The following KIF9 variants were observed in gnomAD, a reference collection of about 807,000 sequenced individuals.
KIF9 encodes the protein kinesin-like protein KIF9.
KIF9 carries 68 observed loss-of-function variants against 94.8 expected under a neutral mutation model. The ratio of observed to expected loss-of-function variants is 0.72; its 90% CI spans 0.59 to 0.88. KIF9 has a LOEUF of 0.88. Among genes scored for constraint, KIF9 ranks in the 40% least tolerant of loss-of-function variants. The pLI is 0.00. For missense variants in KIF9, 882 were observed against 982.5 expected, an observed-to-expected ratio of 0.90 and a Z score of 1.37; for synonymous variants, 343 against 362.1, an observed-to-expected ratio of 0.95 and a Z score of 0.60.
chr3:47,248,183 GC>G, intron 10 of KIF9, 97 bp from the exon 11 acceptor site: 1 of 901,886 alleles, frequency 1.1e-6, no homozygotes, highest in Non-Finnish European at 1.8e-6. Context: ...CTCATTCTGT[GC>G]CCAGACATCC....
intron 9 of KIF9, among the ~76,000 whole-genome samples, chr3:47,259,196 C>G (rs1218587718): frequency 1.3e-5 from 2 of 152,172 alleles, no homozygotes; most frequent in Non-Finnish European, 2.9e-5. Flanking sequence ...GTTAATGAAG[C>G]CTGGACTCTG....
intron 1 of KIF9, among the ~76,000 whole-genome samples, chr3:47,280,001 G>A (rs1702230152): frequency 6.6e-6 from 1 of 152,002 alleles, no homozygotes; most frequent in South Asian, 2.1e-4. Context: ...CTCTCTCAGG[G>A]TGGAGTGCAC....
Position 47,275,411 on chromosome 3 carries a change from T to A in KIF9, c.173A>T (p.Asp58Val). Reference protein sequence around the residue: ...NQQTDWSFKLDGVLHDASQDL... With the variant: ...NQQTDWSFKLVGVLHDASQDL... ...CTGGGAGGCATCGTGAAGAACTCCATCCAACTTAAACGACCAGTCTGTCTG... is the reference window on the plus strand; with the variant it reads ...CTGGGAGGCATCGTGAAGAACTCCAACCAACTTAAACGACCAGTCTGTCTG... The change falls in exon 3 of 21, where the codon GAT becomes GTT. Residue 58 changes from aspartate to valine, a missense_variant. Transcript: ENST00000684063. The A allele has an allele frequency of 1.9e-6, 3 of 1,613,518 alleles. No individual in the cohort carries two copies. The highest frequency in any genetic ancestry group is 2.5e-6 in the Non-Finnish European group (3 of 1,179,520).
intron 18 of KIF9, 104 bp from the exon 19 acceptor site, chr3:47,236,253 C>A (rs1699018288): frequency 1.2e-5 from 12 of 1,043,310 alleles, no homozygotes; most frequent in Non-Finnish European, 1.6e-5. Context: ...ACTTCCTGCT[C>A]CAAGGTCTTA....
chr3:47,279,691 A>T (rs1249603821), intron 1 of KIF9, among the ~76,000 whole-genome samples: 1 of 150,258 alleles, frequency 6.7e-6, no homozygotes, highest in Admixed American at 6.7e-5. Flanking sequence ...ATCTCAGCTC[A>T]CTGCAAGCTC....
At chr3:47,232,791 G>A (rs1698697772) in intron 20 of KIF9, among the ~76,000 whole-genome samples, 1 of 150,524 alleles carries the variant, frequency 6.6e-6, no homozygotes, top group Non-Finnish European at 1.5e-5. Flanking sequence ...GACCATCCTA[G>A]CTAACACGGT....
intron 2 of KIF9, 107 bp downstream of exon 2, chr3:47,277,175 G>T: frequency 1.4e-6 from 1 of 733,082 alleles, no homozygotes; most frequent in Non-Finnish European, 2.3e-6. Context: ...ATTGGATCCT[G>T]TCCAATTCTG....
chr3:47,262,428 C>T (rs1701037885), intron 9 of KIF9, among the ~76,000 whole-genome samples: 1 of 152,030 alleles, frequency 6.6e-6, no homozygotes, highest in Admixed American at 6.6e-5. Flanking sequence ...CGCCACCACA[C>T]TCTGCTAATT....
intron 12 of KIF9, chr3:47,246,478 TA>T: frequency 3.1e-6 from 1 of 322,800 alleles, no homozygotes; most frequent in Non-Finnish European, 5.6e-6. Context: ...GCTGAGGCTA[TA>T]AAAACCACCT....
At chr3:47,263,522 G>C (rs766488691) in intron 9 of KIF9, 1 of 197,618 alleles carries the variant, frequency 5.1e-6, no homozygotes, top group South Asian at 8.0e-5. Context: ...TTCTTGCTGA[G>C]AGCCCCCACC....
At chr3:47,255,720 GCTCTCC>G (rs776357368) in intron 10 of KIF9, among the ~76,000 whole-genome samples, 99 of 149,846 alleles carry the variant, frequency 6.6e-4, no homozygotes, top group Non-Finnish European at 1.0e-3. Flanking sequence ...AATTTTCTTC[GCTCTCC>G]CTCTCCCTCT....
chr3:47,269,768 A>ATTTTTT (rs36108313), intron 5 of KIF9, among the ~76,000 whole-genome samples: 1 of 86,466 alleles, frequency 1.2e-5, no homozygotes, highest in Non-Finnish European at 2.0e-5. Flanking sequence ...CTCCCAGCTA[A>ATTTTTT]TTTTTTTTTT....
intron 1 of KIF9, 122 bp from the exon 2 acceptor site, chr3:47,277,501 T>C (rs757263690): frequency 1.5e-6 from 1 of 662,690 alleles, no homozygotes; most frequent in Non-Finnish European, 2.6e-6. Context: ...CCTCTCTCCC[T>C]GAAAGCCAGT....
intron 9 of KIF9, among the ~76,000 whole-genome samples, chr3:47,259,305 C>G (rs1700815319): frequency 6.6e-6 from 1 of 152,220 alleles, no homozygotes; most frequent in Admixed American, 6.5e-5. Context: ...TGGGCTCCTA[C>G]CAGTTTTGTC....
chr3:47,235,575 C>A lies in KIF9; in HGVS notation c.2260G>T (p.Val754Leu), dbSNP rs143906701. 2.4e-3 allele frequency: 3,839 copies of A among 1,614,138 alleles called. 6 individuals carry two copies. Among genetic ancestry groups the A allele is most frequent in the Non-Finnish European group, 3.0e-3 (3,502 of 1,179,994 alleles). Residue 754 changes from valine (V) to leucine (L), a missense_variant, in exon 20 of 21, where the codon GTG (valine) becomes TTG (leucine). Coordinates refer to ENST00000684063, the MANE Select transcript of KIF9 (RefSeq NM_182902.4). ...QDKFSQLQQR[V>L]LPEGPDSISF... ...ATGGAATCAGGGCCCTCAGGAAGCA[C>A]CCTCTGCTGCAGCTGGCTGAATTTG...
In KIF9 at chr3:47,266,031, G is replaced by A. The variant is rs1366500664; in HGVS notation, c.769-154C>T. 4 of 698,872 alleles carry A rather than the reference G, an allele frequency of 5.7e-6. No individual in the cohort carries two copies. In the African/African-American group the frequency reaches 7.1e-5, roughly 12 times the overall value. The allele number at this position is 698,872 out of a possible 1,614,324, so 43.3% of individuals were successfully genotyped here. A position where few individuals can be genotyped will look rare whatever the true frequency, so the allele number is the denominator to read the frequency against. ...GGTCTTCTTTCAATGTCATGCGATT[G>A]TATTCCATCTTGGGCTAATAATGGT... On this transcript the variant is annotated intron_variant, in intron 7 of 20. Transcript: ENST00000684063.
intron 9 of KIF9, among the ~76,000 whole-genome samples, chr3:47,259,443 T>A (rs978565264): frequency 6.6e-6 from 1 of 152,216 alleles, no homozygotes; most frequent in Non-Finnish European, 1.5e-5. Flanking sequence ...TAACCCTGCA[T>A]CCAACATCTG....
At chr3:47,275,650 T>C (rs927816316) in intron 2 of KIF9, among the ~76,000 whole-genome samples, 160 bp from the exon 3 acceptor site, 1 of 152,150 alleles carries the variant, frequency 6.6e-6, no homozygotes, top group Non-Finnish European at 1.5e-5. Flanking sequence ...GATGAATTCT[T>C]TGGGATGGGA....
At chr3:47,236,686 TC>T in intron 17 of KIF9, 67 bp from the exon 18 acceptor site, 2 of 1,443,846 alleles carry the variant, frequency 1.4e-6, no homozygotes, top group Non-Finnish European at 9.6e-7. Context: ...AGGAAGGGAT[TC>T]CAGAAGGTGG....
Sources: allele counts gnomAD v4.1 joint callset (sites outside exome capture counted in the v4.1 genomes callset), GRCh38; gene constraint gnomAD v4.1.1; transcripts MANE v1.5; gene names NCBI Gene and HGNC (gene_info 2026-07-23, HGNC 2026-07-21).